Variants in KLF12 observed in about 807,000 individuals in gnomAD.
KLF12 encodes KLF transcription factor 12, also known as Krueppel-like factor 12.
In KLF12, 9 loss-of-function variants were observed where a neutral mutation model predicts 37.8. The observed-to-expected ratio is 0.24, with a 90% CI of 0.14 to 0.42. The LOEUF is 0.42. Ranked by LOEUF, KLF12 falls within the 10% of genes least tolerant of loss-of-function variation. KLF12 has a pLI of 1.00. For synonymous variants in KLF12, 208 were observed against 202.1 expected, an observed-to-expected ratio of 1.03 and a Z score of -0.25; for missense variants, 411 against 516.0, an observed-to-expected ratio of 0.80 and a Z score of 1.97.
the KLF12 span, among the ~76,000 whole-genome samples, chr13:74,145,665 T>C: frequency 2.6e-5 from 4 of 152,332 alleles, no homozygotes; most frequent in East Asian, 7.7e-4. Context: ...CTTACAAATA[T>C]CACTTTTATT....
chr13:74,211,890 CAT>C, the KLF12 span, among the ~76,000 whole-genome samples: 9 of 152,172 alleles, frequency 5.9e-5, no homozygotes, highest in African/African-American at 2.2e-4. Flanking sequence ...ACATTTAAAA[CAT>C]AAAATTGTGA....
intron 2 of KLF12, among the ~76,000 whole-genome samples, chr13:73,982,843 A>AT (rs1891722984): frequency 6.6e-6 from 1 of 152,148 alleles, no homozygotes; most frequent in Non-Finnish European, 1.5e-5. Flanking sequence ...CTCTATCTTA[A>AT]TAAAAGAAAT....
chr13:73,743,340 T>C (rs1254202976), intron 6 of KLF12, among the ~76,000 whole-genome samples: 4 of 152,210 alleles, frequency 2.6e-5, no homozygotes, highest in African/African-American at 9.6e-5. Context: ...TTACTCACTT[T>C]TACAGAATAT....
the KLF12 span, among the ~76,000 whole-genome samples, chr13:74,248,509 T>G: frequency 6.6e-6 from 1 of 152,228 alleles, no homozygotes; most frequent in African/African-American, 2.4e-5. Flanking sequence ...CTTCATCAAC[T>G]AATATAATTT....
At chr13:73,865,109 T>C (rs1161481273) in intron 3 of KLF12, among the ~76,000 whole-genome samples, 1 of 152,132 alleles carries the variant, frequency 6.6e-6, no homozygotes, top group Non-Finnish European at 1.5e-5. Flanking sequence ...GTCAACTTGA[T>C]TGCCTAAATT....
chr13:73,718,498 T>C (rs1175464118), intron 6 of KLF12, among the ~76,000 whole-genome samples: 1 of 152,194 alleles, frequency 6.6e-6, no homozygotes, highest in African/African-American at 2.4e-5. Context: ...GGCTCATGCC[T>C]GTAATCCCAG....
chr13:74,146,481 C>T, the KLF12 span, among the ~76,000 whole-genome samples: 14 of 151,908 alleles, frequency 9.2e-5, no homozygotes, highest in African/African-American at 3.1e-4. Context: ...AGACTGTTGC[C>T]GAAACACTGG....
At chr13:73,908,422 C>CA (rs1238264833) in intron 3 of KLF12, among the ~76,000 whole-genome samples, 1 of 147,626 alleles carries the variant, frequency 6.8e-6, no homozygotes, top group African/African-American at 2.5e-5. Context: ...AACAAACAAA[C>CA]AAAAAAATTA....
At chr13:73,971,119 G>A (rs1406154257) in intron 2 of KLF12, among the ~76,000 whole-genome samples, 1 of 152,150 alleles carries the variant, frequency 6.6e-6, no homozygotes, top group Non-Finnish European at 1.5e-5. Context: ...AAAAAACTGT[G>A]CTAATTTTAA....
chr13:73,750,599 G>A (rs1594046138), intron 6 of KLF12, among the ~76,000 whole-genome samples: 3 of 152,142 alleles, frequency 2.0e-5, no homozygotes, highest in African/African-American at 7.2e-5. Flanking sequence ...ATGGGTGGGG[G>A]GACTGCAGGG....
At chr13:74,199,549 T>C in the KLF12 span, among the ~76,000 whole-genome samples, 2 of 152,190 alleles carry the variant, frequency 1.3e-5, no homozygotes, top group East Asian at 3.9e-4. Flanking sequence ...CTCACAAGAA[T>C]ATTACATCTC....
the KLF12 span, among the ~76,000 whole-genome samples, chr13:74,298,418 TA>T: frequency 6.6e-6 from 1 of 152,160 alleles, no homozygotes; most frequent in African/African-American, 2.4e-5. Flanking sequence ...TTCTAGAAAT[TA>T]AAAAGTTGTT....
chr13:74,176,211 A>G, the KLF12 span, among the ~76,000 whole-genome samples: 18 of 152,154 alleles, frequency 1.2e-4, no homozygotes, highest in African/African-American at 4.3e-4. Flanking sequence ...AGGGGGAGAG[A>G]ATCCCCAGTG....
chr13:74,131,387 G>C (rs1878252876), intron 1 of KLF12, among the ~76,000 whole-genome samples: 1 of 152,178 alleles, frequency 6.6e-6, no homozygotes, highest in African/African-American at 2.4e-5. Flanking sequence ...CCTGGGGAGA[G>C]TGAGTACACT....
At chr13:74,112,768 T>G (rs547269172) in intron 1 of KLF12, among the ~76,000 whole-genome samples, 98 of 152,210 alleles carry the variant, frequency 6.4e-4, no homozygotes, top group Non-Finnish European at 1.1e-3. Context: ...CTCTAAGTGT[T>G]CAAGTAAAAG....
chr13:74,161,039 G>A, the KLF12 span, among the ~76,000 whole-genome samples: 1 of 151,510 alleles, frequency 6.6e-6, no homozygotes, highest in East Asian at 2.0e-4. Context: ...TTGAGAACAC[G>A]GAGATTGGTT....
intron 1 of KLF12, among the ~76,000 whole-genome samples, chr13:74,003,835 C>CA (rs1459443072): frequency 6.6e-6 from 1 of 151,990 alleles, no homozygotes; most frequent in African/African-American, 2.4e-5. Context: ...ACAAATACTC[C>CA]AAAAAATTAA....
the KLF12 span, among the ~76,000 whole-genome samples, chr13:74,269,868 A>G: frequency 6.6e-6 from 1 of 152,222 alleles, no homozygotes; most frequent in African/African-American, 2.4e-5. Context: ...AGGGACACAA[A>G]GAATCTAGAC....
the KLF12 span, among the ~76,000 whole-genome samples, chr13:74,208,876 G>A: frequency 4.7e-4 from 72 of 152,176 alleles, no homozygotes; most frequent in Admixed American, 1.6e-3. Context: ...TTTATTTTGC[G>A]TTGGGAATGG....
Sources: allele counts gnomAD v4.1 joint callset (sites outside exome capture counted in the v4.1 genomes callset), GRCh38; gene constraint gnomAD v4.1.1; transcripts MANE v1.5; gene names NCBI Gene and HGNC (gene_info 2026-07-23, HGNC 2026-07-21).